The following LAMB3 variants were observed in gnomAD, a reference collection of about 807,000 sequenced individuals.
The protein encoded by LAMB3 is laminin subunit beta 3, also known as laminin subunit beta-3.
In LAMB3, 104 loss-of-function variants were observed where a neutral mutation model predicts 140.3. That is an observed-to-expected ratio of 0.74 (90% confidence interval 0.63 to 0.87). The LOEUF (loss-of-function observed/expected upper bound fraction) is 0.87, where lower values mean the gene tolerates loss of function less well. LAMB3 is among the 40% of genes least tolerant of loss of function. The probability of loss-of-function intolerance (pLI) is 0.00; values close to 1 mark genes in which losing one functional copy is unlikely to be tolerated. For missense variants in LAMB3, 1,531 were observed against 1,575.2 expected, an observed-to-expected ratio of 0.97 and a Z score of 0.47; for synonymous variants, 592 against 602.9, an observed-to-expected ratio of 0.98 and a Z score of 0.26.
intron 8 of LAMB3, among the ~76,000 whole-genome samples, chr1:209,631,675 C>T: frequency 6.6e-6 from 1 of 152,212 alleles, no homozygotes; most frequent in East Asian, 1.9e-4. Context: ...TGGCTCCCTC[C>T]CACCTCGTCA....
chr1:209,641,736 C>T (rs1307374230), intron 3 of LAMB3, among the ~76,000 whole-genome samples: 1 of 152,226 alleles, frequency 6.6e-6, no homozygotes, highest in Non-Finnish European at 1.5e-5. Context: ...GGAGACCTGT[C>T]GCTGGCTGAA....
intron 8 of LAMB3, 106 bp downstream of exon 8, chr1:209,632,477 A>C (rs1397179777): frequency 2.3e-6 from 2 of 861,900 alleles, no homozygotes. Flanking sequence ...TTAAATACCC[A>C]AGTCTTAGAT....
intron 11 of LAMB3, 80 bp from the exon 12 acceptor site, chr1:209,627,659 C>G: frequency 7.4e-7 from 1 of 1,350,606 alleles, no homozygotes; most frequent in East Asian, 2.4e-5. Flanking sequence ...CAGGGAGGGG[C>G]GCTGCCTGGG....
intron 3 of LAMB3, among the ~76,000 whole-genome samples, chr1:209,640,527 G>A (rs138967793): frequency 0.015 from 2,289 of 150,114 alleles, 49 homozygotes; most frequent in African/African-American, 0.05. Context: ...CAGCCTAGGC[G>A]ACAGAGCGAG....
At chr1:209,643,987 T>C (rs552406086) in intron 3 of LAMB3, among the ~76,000 whole-genome samples, 2 of 152,264 alleles carry the variant, frequency 1.3e-5, no homozygotes, top group South Asian at 2.1e-4. Context: ...TCTCAGCAAG[T>C]AGACAAAGAA....
At chr1:209,638,283 A>G (rs192275740) in intron 4 of LAMB3, among the ~76,000 whole-genome samples, 170 of 152,306 alleles carry the variant, frequency 1.1e-3, no homozygotes, top group African/African-American at 3.7e-3. Context: ...AAGCCCACCC[A>G]CTGAGACTGA....
In LAMB3 at chr1:209,626,928, G is replaced by A. The variant is rs375260663; in HGVS notation, c.1536C>T (p.Ser512=). 23 of 1,613,708 alleles carry A rather than the reference G, an allele frequency of 1.4e-5. No individual in the cohort carries two copies. The highest frequency in any genetic ancestry group is 1.2e-4 in the Admixed American group (7 of 60,002). ...CTGGACACTGGCGGATGGCTGCAGC[G>A]CTGCACATCAGGCCACCAAAGCCTT... ...CREGFGGLMC[S]AAAIRQCPDR... The change falls in exon 13 of 23, where the codon AGC becomes AGT. Residue 512 remains serine, a synonymous_variant. Coordinates refer to ENST00000356082, the MANE Select transcript of LAMB3 (RefSeq NM_000228.3).
chr1:209,649,942 A>G (rs1558170316), intron 3 of LAMB3, 22 bp downstream of exon 3: 2 of 1,613,986 alleles, frequency 1.2e-6, no homozygotes, highest in Non-Finnish European at 8.5e-7. Flanking sequence ...GCCTTCCTCC[A>G]GTCCTGGGAA....
At chr1:209,627,907 G>T in intron 11 of LAMB3, 128 bp downstream of exon 11, 1 of 1,257,550 alleles carries the variant, frequency 8.0e-7, no homozygotes, top group Non-Finnish European at 1.1e-6. Flanking sequence ...AAAGGCCCGG[G>T]CATACCCCCT....
chr1:209,643,344 C>T (rs984907405), intron 3 of LAMB3, among the ~76,000 whole-genome samples: 2 of 152,250 alleles, frequency 1.3e-5, no homozygotes, highest in Non-Finnish European at 2.9e-5. Flanking sequence ...CTCTCTGCTG[C>T]AGCTGCCTCC....
intron 14 of LAMB3, among the ~76,000 whole-genome samples, chr1:209,624,841 T>C (rs1473892337): frequency 2.8e-5 from 4 of 143,388 alleles, no homozygotes; most frequent in Non-Finnish European, 3.0e-5. Flanking sequence ...TGTTTCATCA[T>C]AGATGCTCTA....
intron 22 of LAMB3, among the ~76,000 whole-genome samples, chr1:209,615,758 T>C (rs1028700385): frequency 7.9e-5 from 12 of 152,240 alleles, no homozygotes; most frequent in African/African-American, 2.9e-4. Flanking sequence ...TGTTCTCCTT[T>C]CTAAGGAATT....
chr1:209,618,494 AT>A lies in LAMB3; in HGVS notation c.2866del (p.Ile956LeufsTer74), dbSNP rs1450649345. The A allele has an allele frequency of 6.2e-7, 1 of 1,614,102 alleles. No homozygotes were observed. Among genetic ancestry groups the A allele is most frequent in the Non-Finnish European group, 8.5e-7 (1 of 1,180,040 alleles). ...AGCCTGCAACCGGCGGGCACGCGCA[AT>A]GTCCTGCTTGGTCTGGGACAGCACC... The part of the protein sequence containing the change: ...DLVLSQTKQD[I>X]ARARRLQAEA... On this transcript the variant is annotated frameshift_variant, in exon 19 of 23. Transcript: ENST00000356082. LOFTEE classifies it high-confidence loss of function.
intron 3 of LAMB3, among the ~76,000 whole-genome samples, chr1:209,640,450 G>A (rs1030859607): frequency 2.0e-5 from 3 of 151,754 alleles, no homozygotes; most frequent in East Asian, 2.0e-4. Context: ...CGGGAGGCTG[G>A]GGCAAGAGAA....
intron 3 of LAMB3, among the ~76,000 whole-genome samples, chr1:209,644,350 T>A (rs544517136): frequency 1.3e-5 from 2 of 152,230 alleles, no homozygotes; most frequent in African/African-American, 4.8e-5. Context: ...ATTATAGAGA[T>A]GATATATGCT....
In LAMB3 at chr1:209,622,984, T is replaced by C. The variant is rs12748250; in HGVS notation, c.2554A>G (p.Met852Val). 2 of 1,612,982 alleles carry C rather than the reference T, an allele frequency of 1.2e-6. No homozygotes were observed. The highest frequency in any genetic ancestry group is 2.2e-5 in the East Asian group (1 of 44,876). Residue 852 changes from methionine (M) to valine (V), a missense_variant and splice_region_variant, in exon 17 of 23, where the codon ATG becomes GTG. Physicochemically the swap from Met to Val is conservative, Grantham distance 21. Transcript: ENST00000356082. ...CACCCCGCCTCGGCTGCACTTACCA[T>C]CTGCCTGGTCCGCTGGAGCTGGGCA... is the stretch of plus-strand genomic sequence containing the variant. Reference protein sequence around the residue: ...FNAQLQRTRQMIRAAEESASQ... With the variant: ...FNAQLQRTRQVIRAAEESASQ...
intron 3 of LAMB3, among the ~76,000 whole-genome samples, chr1:209,640,857 G>A (rs954441528): frequency 3.3e-5 from 5 of 151,878 alleles, no homozygotes; most frequent in East Asian, 2.0e-4. Flanking sequence ...CAAGGCGGGC[G>A]GATCACGAGG....
chr1:209,618,143 C>G (rs35864886), intron 19 of LAMB3, 95 bp from the exon 20 acceptor site: 16,678 of 1,498,646 alleles, frequency 0.011, 133 homozygotes, highest in Non-Finnish European at 0.014. Flanking sequence ...AAAGAACACC[C>G]TTCCCAGCCA....
chr1:209,627,918 C>G, intron 11 of LAMB3, 117 bp downstream of exon 11: 1 of 1,343,584 alleles, frequency 7.4e-7, no homozygotes, highest in Non-Finnish European at 1.0e-6. Flanking sequence ...CATACCCCCT[C>G]TGTCTACCCT....
Sources: allele counts gnomAD v4.1 joint callset (sites outside exome capture counted in the v4.1 genomes callset), GRCh38; gene constraint gnomAD v4.1.1; transcripts MANE v1.5; gene names NCBI Gene and HGNC (gene_info 2026-07-23, HGNC 2026-07-21).